The following TAF2 variants were observed in gnomAD, a reference collection of about 807,000 sequenced individuals.
TAF2 encodes the protein TATA-box binding protein associated factor 2.
Under a neutral mutation model 138.5 loss-of-function variants are expected in TAF2, and 61 were observed. That is an observed-to-expected ratio of 0.44 (90% CI 0.36 to 0.54). The LOEUF (loss-of-function observed/expected upper bound fraction) is 0.54, where lower values mean the gene tolerates loss of function less well. Ranked by LOEUF, TAF2 falls within the 20% of genes least tolerant of loss-of-function variation. The probability of loss-of-function intolerance (pLI) is 0.00; values close to 1 mark genes in which losing one functional copy is unlikely to be tolerated. For synonymous variants in TAF2, 475 were observed against 469.9 expected, an observed-to-expected ratio of 1.01 and a Z score of -0.14; for missense variants, 1,090 against 1,427.9, an observed-to-expected ratio of 0.76 and a Z score of 3.81.
At chr8:119,825,611 T>C (rs1586551819) in intron 2 of TAF2, among the ~76,000 whole-genome samples, 1 of 152,090 alleles carries the variant, frequency 6.6e-6, no homozygotes. Flanking sequence ...CAGTGGGAGG[T>C]AACTGAATCA....
chr8:119,751,265 G>A (rs778745451), intron 22 of TAF2, among the ~76,000 whole-genome samples: 1 of 152,074 alleles, frequency 6.6e-6, no homozygotes, highest in South Asian at 2.1e-4. Context: ...CTACCACACC[G>A]CTAACAAAAG....
rs549198937 is a variant in TAF2, at chr8:119,773,353, A to C, written c.2364+4666T>G. ...CAAGTTAAAAGTTGATATACTTTCC[A>C]TAACTTTCTAAATTCTAAATCAATC... is the stretch of plus-strand genomic sequence containing the variant. On this transcript the variant is annotated intron_variant, in intron 18 of 25. Transcript: ENST00000378164. 6.6e-5 allele frequency among the ~76,000 whole-genome samples: 10 copies of C among 151,682 alleles called. No individual in the cohort carries two copies. The South Asian group carries it at 2.1e-3, about 31-fold the overall frequency.
chr8:119,756,157 T>C, intron 21 of TAF2, 42 bp from the exon 22 acceptor site: 1 of 1,404,670 alleles, frequency 7.1e-7, no homozygotes, highest in African/African-American at 1.4e-5. Flanking sequence ...GACCTTTTAC[T>C]GACAGATGCT....
At chr8:119,799,402 T>C (rs889512142) in intron 6 of TAF2, among the ~76,000 whole-genome samples, 2 of 151,442 alleles carry the variant, frequency 1.3e-5, no homozygotes, top group African/African-American at 2.4e-5. Flanking sequence ...TGAGAACATG[T>C]GGTGTTTGGT....
intron 17 of TAF2, 122 bp downstream of exon 17, chr8:119,780,931 T>C (rs1170460689): frequency 2.7e-5 from 26 of 978,212 alleles, no homozygotes; most frequent in Non-Finnish European, 3.6e-5. Context: ...TGAGACTCTG[T>C]CTCAAAAAAA....
intron 3 of TAF2, among the ~76,000 whole-genome samples, chr8:119,809,998 T>TAAAAAAAAAAAAAAAAAAAAAAAAAAAAA: frequency 8.5e-6 from 1 of 117,674 alleles, no homozygotes; most frequent in Non-Finnish European, 1.7e-5. Context: ...CTTCAATTTG[T>TAAAAAAAAAAAAAAAAAAAAAAAAAAAAA]AAAAAAAAAA....
At chr8:119,774,701 C>G (rs1179543313) in intron 18 of TAF2, among the ~76,000 whole-genome samples, 1 of 152,056 alleles carries the variant, frequency 6.6e-6, no homozygotes, top group East Asian at 1.9e-4. Flanking sequence ...TTAAAAGCAG[C>G]AGAGATAATA....
chr8:119,812,978 G>A (rs545924724), intron 3 of TAF2, among the ~76,000 whole-genome samples: 6 of 152,270 alleles, frequency 3.9e-5, no homozygotes, highest in Admixed American at 2.0e-4. Flanking sequence ...TAGTGAGAAC[G>A]CCAGATAAAG....
intron 6 of TAF2, among the ~76,000 whole-genome samples, chr8:119,799,192 C>T (rs564095033): frequency 1.1e-4 from 17 of 152,158 alleles, no homozygotes; most frequent in South Asian, 6.2e-4. Context: ...TTAAGTTCTA[C>T]GGTACATGCG....
rs147884675 is a variant in TAF2, at chr8:119,787,468, G to A, written c.1793+870C>T. ...ACTTCTCAAAAGAAGACATTTATGC[G>A]GCAACAAACACATGAAAAAAAGCTC... On this transcript the variant is annotated intron_variant, in intron 14 of 25. Transcript: ENST00000378164. 3.3e-3 allele frequency among the ~76,000 whole-genome samples: 496 copies of A among 151,982 alleles called. 1 individual carries two copies. The highest frequency in any genetic ancestry group is 4.8e-3 in the Non-Finnish European group (325 of 67,964).
At chr8:119,813,841 C>T (rs924137587) in intron 3 of TAF2, among the ~76,000 whole-genome samples, 1 of 152,146 alleles carries the variant, frequency 6.6e-6, no homozygotes, top group African/African-American at 2.4e-5. Flanking sequence ...GAGGACCAAG[C>T]ATGGTGGCTT....
In TAF2 at chr8:119,781,047, C is replaced by T; in HGVS notation, c.2253+6G>A. 6.2e-7 allele frequency: 1 copy of T among 1,606,918 alleles called. No homozygotes were observed. The highest frequency in any genetic ancestry group is 8.5e-7 in the Non-Finnish European group (1 of 1,176,682). On this transcript the variant is annotated splice_donor_region_variant and intron_variant, in intron 17 of 25. Transcript: ENST00000378164. Reference sequence around the variant, plus strand: ...AACCATGAGAAAATTAGAAAGTAAACTGTACCTTCTGTAGAAAATAGCTTT... The same window carrying T: ...AACCATGAGAAAATTAGAAAGTAAATTGTACCTTCTGTAGAAAATAGCTTT...
chr8:119,827,765 C>T (rs1217095739), intron 2 of TAF2, among the ~76,000 whole-genome samples: 1 of 145,798 alleles, frequency 6.9e-6, no homozygotes, highest in Non-Finnish European at 1.5e-5. Flanking sequence ...GAGCAGGGGA[C>T]AGAGTTTTGC....
Position 119,791,357 on chromosome 8 carries a change from A to G in TAF2, c.1380T>C (p.Ile460=), listed in dbSNP as rs2131170244. The G allele has an allele frequency of 6.2e-7, 1 of 1,613,798 alleles. No homozygotes were observed. The highest frequency in any genetic ancestry group is 8.5e-7 in the Non-Finnish European group (1 of 1,179,870). ...QCKAHLVMRL[I]ENRISMEFML... Reference sequence around the variant, plus strand: ...TAAATTCCATACTGATCCTATTTTCAATCAATCTCATCACAAGGTGGGCTT... The same window carrying G: ...TAAATTCCATACTGATCCTATTTTCGATCAATCTCATCACAAGGTGGGCTT... Residue 460 remains isoleucine (I), a synonymous_variant, in exon 11 of 26, where the codon ATT becomes ATC. Transcript: ENST00000378164.
chr8:119,785,706 G>T (rs1326580598), intron 14 of TAF2, among the ~76,000 whole-genome samples: 1 of 152,124 alleles, frequency 6.6e-6, no homozygotes, highest in African/African-American at 2.4e-5. Context: ...TATCTTAAGA[G>T]TATTGATCAA....
chr8:119,781,334 A>G (rs2131134708), intron 16 of TAF2, 141 bp from the exon 17 acceptor site: 2 of 1,054,734 alleles, frequency 1.9e-6, no homozygotes, highest in Non-Finnish European at 2.7e-6. Flanking sequence ...ATAACAATTT[A>G]GCATTTTATC....
In TAF2 at chr8:119,788,349, G is replaced by C. The variant is rs758565102; in HGVS notation, c.1782C>G (p.Ser594=). 3.7e-6 allele frequency: 6 copies of C among 1,612,188 alleles called. No homozygotes were observed. The Admixed American group carries it at 8.3e-5, about 22-fold the overall frequency. Residue 594 remains serine (S), a synonymous_variant, in exon 14 of 26, where the codon TCC becomes TCG. Coordinates refer to ENST00000378164, the MANE Select transcript of TAF2 (RefSeq NM_003184.4). ...NSLKHDIPCH[S]KSRRNKKKKI... ...TATGTAATGCCTACCTTCTACTTTTGGAATGGCAGGGTATATCATGTTTAA... is the reference window on the plus strand; with the variant it reads ...TATGTAATGCCTACCTTCTACTTTTCGAATGGCAGGGTATATCATGTTTAA...
chr8:119,813,101 G>GT (rs909325903), intron 3 of TAF2, among the ~76,000 whole-genome samples: 14 of 151,770 alleles, frequency 9.2e-5, no homozygotes, highest in African/African-American at 3.4e-4. Context: ...GCCAACATCT[G>GT]TTTTTTTTGT....
rs1392316288 is a variant in TAF2 at position 119,754,797 on chromosome 8, A to G, written c.2878+1209T>C. ...TAGCTTCTGACTGAATCTTTAAACC[A>G]TTATTACAATTTCAACCTATCACAG... is the stretch of plus-strand genomic sequence containing the variant. On this transcript the variant is annotated intron_variant, in intron 22 of 25. Coordinates refer to ENST00000378164, the MANE Select transcript of TAF2 (RefSeq NM_003184.4). Among the ~76,000 whole-genome samples the G allele has an allele frequency of 3.9e-5, 6 of 152,182 alleles. No homozygotes were observed. The East Asian group carries it at 1.2e-3, about 29-fold the overall frequency.
Sources: allele counts gnomAD v4.1 joint callset (sites outside exome capture counted in the v4.1 genomes callset), GRCh38; gene constraint gnomAD v4.1.1; transcripts MANE v1.5; gene names NCBI Gene and HGNC (gene_info 2026-07-23, HGNC 2026-07-21).